FAM184A: variants seen among roughly 807,000 people sequenced by gnomAD.
FAM184A encodes the protein family with sequence similarity 184 member A.
In FAM184A, 99 loss-of-function variants were observed where a neutral mutation model predicts 143.8. The observed-to-expected ratio is 0.69, with a 90% CI of 0.58 to 0.81. FAM184A has a LOEUF of 0.81. FAM184A is among the 40% of genes least tolerant of loss of function. FAM184A has a pLI of 0.00. For synonymous variants in FAM184A, 427 were observed against 446.4 expected (o/e 0.96, Z 0.55); for missense variants, 1,217 against 1,310.5 (o/e 0.93, Z 1.10).
At chr6:118,967,423 G>C (rs1783534052) in intron 14 of FAM184A, among the ~76,000 whole-genome samples, 1 of 152,074 alleles carries the variant, frequency 6.6e-6, no homozygotes, top group African/African-American at 2.4e-5. Flanking sequence ...GCAAAACAAA[G>C]GACACACATG....
intron 7 of FAM184A, 23 bp downstream of exon 7, chr6:119,006,424 T>C: frequency 6.2e-7 from 1 of 1,603,806 alleles, no homozygotes; most frequent in Non-Finnish European, 8.5e-7. Flanking sequence ...GCTGTTTAGA[T>C]TGCAGTAGAA....
chr6:118,997,340 A>G (rs986527741), intron 9 of FAM184A, among the ~76,000 whole-genome samples: 1 of 151,486 alleles, frequency 6.6e-6, no homozygotes, highest in Non-Finnish European at 1.5e-5. Context: ...AAAAAAAAAA[A>G]AATTAAAAGA....
At chr6:119,094,618 A>G (rs1055243180) in intron 1 of FAM184A, among the ~76,000 whole-genome samples, 6 of 152,296 alleles carry the variant, frequency 3.9e-5, no homozygotes, top group Admixed American at 2.6e-4. Context: ...GCTTTCTCCA[A>G]CTACACCAGA....
At chr6:119,017,898 G>A (rs1284311654) in intron 4 of FAM184A, among the ~76,000 whole-genome samples, 1 of 152,098 alleles carries the variant, frequency 6.6e-6, no homozygotes, top group Non-Finnish European at 1.5e-5. Flanking sequence ...AAGGAGCCTG[G>A]CACCTCCTTC....
At chr6:119,041,405 G>A (rs1786324174) in intron 1 of FAM184A, among the ~76,000 whole-genome samples, 1 of 152,128 alleles carries the variant, frequency 6.6e-6, no homozygotes, top group Non-Finnish European at 1.5e-5. Context: ...CGGCCAATCA[G>A]GTAGTAAAGA....
At chr6:119,018,226 G>C (rs927938263) in intron 4 of FAM184A, among the ~76,000 whole-genome samples, 25 of 152,204 alleles carry the variant, frequency 1.6e-4, no homozygotes, top group Non-Finnish European at 1.9e-4. Context: ...GAGAGAGAGA[G>C]ACAAAGACAG....
At chr6:119,074,525 A>C (rs1787802417) in intron 1 of FAM184A, among the ~76,000 whole-genome samples, 1 of 152,200 alleles carries the variant, frequency 6.6e-6, no homozygotes, top group African/African-American at 2.4e-5. Flanking sequence ...AATTAAGTTA[A>C]CCCATGAAAG....
intron 9 of FAM184A, among the ~76,000 whole-genome samples, chr6:118,985,307 G>GT (rs1784156690): frequency 6.6e-6 from 1 of 152,220 alleles, no homozygotes; most frequent in African/African-American, 2.4e-5. Flanking sequence ...CATCCTGTAA[G>GT]TATCACATAG....
intron 1 of FAM184A, among the ~76,000 whole-genome samples, chr6:119,146,432 G>GTGTGTGTGTGTT (rs1432755788): frequency 1.3e-5 from 2 of 151,372 alleles, no homozygotes; most frequent in Non-Finnish European, 2.9e-5. Context: ...GTGTGTGTGT[G>GTGTGTGTGTGTT]TGTGTGTGTT....
At chr6:119,041,740 C>T (rs1226880719) in intron 1 of FAM184A, among the ~76,000 whole-genome samples, 1 of 152,166 alleles carries the variant, frequency 6.6e-6, no homozygotes, top group Admixed American at 6.5e-5. Flanking sequence ...CCACTGTGCT[C>T]CTGATCCAGT....
intron 10 of FAM184A, among the ~76,000 whole-genome samples, chr6:118,979,750 T>C (rs1167712675): frequency 1.3e-5 from 2 of 152,118 alleles, no homozygotes; most frequent in Non-Finnish European, 2.9e-5. Flanking sequence ...ATTTTGTCTA[T>C]ATATTGAACA....
At chr6:119,025,502 C>T in intron 1 of FAM184A, 1 of 518,988 alleles carries the variant, frequency 1.9e-6, no homozygotes, top group South Asian at 1.4e-5. Context: ...CCAAGCAACC[C>T]AATTCCTTAA....
chr6:118,967,608 G>A (rs980075795), intron 14 of FAM184A, among the ~76,000 whole-genome samples: 5 of 152,118 alleles, frequency 3.3e-5, no homozygotes, highest in African/African-American at 1.2e-4. Flanking sequence ...TGCCTTGAAC[G>A]TTAAAATATA....
chr6:118,984,138 G>A (rs1430215063), intron 9 of FAM184A, among the ~76,000 whole-genome samples: 1 of 119,386 alleles, frequency 8.4e-6, no homozygotes, highest in East Asian at 2.4e-4. Context: ...CAATGATAAC[G>A]AAACTCCATT....
intron 1 of FAM184A, among the ~76,000 whole-genome samples, chr6:119,097,744 T>G (rs1788544340): frequency 6.6e-6 from 1 of 152,176 alleles, no homozygotes; most frequent in Admixed American, 6.5e-5. Flanking sequence ...GAACTAGACC[T>G]TAGGAAACAG....
At chr6:119,054,486 T>C (rs1291901741) in intron 1 of FAM184A, among the ~76,000 whole-genome samples, 1 of 152,146 alleles carries the variant, frequency 6.6e-6, no homozygotes, top group Non-Finnish European at 1.5e-5. Context: ...ACCTCTTTTA[T>C]AAGGGAAGTA....
intron 1 of FAM184A, among the ~76,000 whole-genome samples, chr6:119,089,381 A>T (rs7754764): frequency 0.086 from 12,961 of 150,738 alleles, 1,201 homozygotes; most frequent in African/African-American, 0.23. Context: ...TTTTTTTTGT[A>T]TTTTCGTAGA....
chr6:119,016,963 T>C lies in FAM184A; in HGVS notation c.1333-19A>G, dbSNP rs772677270. The C allele has an allele frequency of 6.4e-7, 1 of 1,553,460 alleles. No individual in the cohort carries two copies. The highest frequency in any genetic ancestry group is 1.4e-5 in the African/African-American group (1 of 72,678). On this transcript the variant is annotated intron_variant, in intron 4 of 17. Transcript: ENST00000338891. ...TTACTTTCTAAAATTAAAACAAAGA[T>C]CAATAATCGGCACCTGCTTTTTTCA...
intron 5 of FAM184A, among the ~76,000 whole-genome samples, chr6:119,012,818 T>C (rs1014768041): frequency 3.4e-4 from 51 of 152,214 alleles, no homozygotes; most frequent in African/African-American, 1.2e-3. Flanking sequence ...CCAACTTGCC[T>C]TTCTAAGGAT....
Sources: allele counts gnomAD v4.1 joint callset (sites outside exome capture counted in the v4.1 genomes callset), GRCh38; gene constraint gnomAD v4.1.1; transcripts MANE v1.5; gene names NCBI Gene and HGNC (gene_info 2026-07-23, HGNC 2026-07-21).